NTMT1: variants seen among roughly 807,000 people sequenced by gnomAD.
NTMT1 encodes the protein N-terminal RCC1 methyltransferase.
NTMT1 carries 8 observed loss-of-function variants against 17.5 expected under a neutral mutation model. The ratio of observed to expected loss-of-function variants is 0.46; its 90% CI spans 0.27 to 0.82. The LOEUF (loss-of-function observed/expected upper bound fraction) is 0.82, where lower values mean the gene tolerates loss of function less well. NTMT1 is among the 40% of genes least tolerant of loss of function. The pLI is 0.15. For missense variants in NTMT1, 221 were observed against 303.5 expected (o/e 0.73, Z 2.02); for synonymous variants, 128 against 126.8 (o/e 1.01, Z -0.06).
At chr9:129,615,997 C>A (rs541507584) in intron 1 of NTMT1, among the ~76,000 whole-genome samples, 1 of 152,274 alleles carries the variant, frequency 6.6e-6, no homozygotes, top group East Asian at 1.9e-4. Flanking sequence ...CGCCCTCGCA[C>A]GTAAAGCAAT....
intron 1 of NTMT1, among the ~76,000 whole-genome samples, chr9:129,627,349 C>G (rs529693506): frequency 3.3e-5 from 5 of 152,124 alleles, no homozygotes; most frequent in Admixed American, 1.3e-4. Flanking sequence ...TAACAGTCCC[C>G]TAGGTGTGTC....
upstream of NTMT1, among the ~76,000 whole-genome samples, chr9:129,622,649 G>A (rs765212136): frequency 6.6e-6 from 1 of 151,902 alleles, no homozygotes; most frequent in Non-Finnish European, 1.5e-5. Context: ...GTAACCATCT[G>A]TACTTATATT....
chr9:129,625,953 GGTGAGCC>G (rs1263444185), upstream of NTMT1, among the ~76,000 whole-genome samples: 1 of 151,378 alleles, frequency 6.6e-6, no homozygotes, highest in East Asian at 1.9e-4. Context: ...CAGAGGTTGC[GGTGAGCC>G]GAGATCGCGC....
chr9:129,619,713 C>A (rs200420270), intron 1 of NTMT1: 60 of 1,612,804 alleles, frequency 3.7e-5, no homozygotes, highest in Admixed American at 2.0e-4. Context: ...CAACCCCGTC[C>A]CCACCAAGAA....
In NTMT1 at chr9:129,613,122, G is replaced by A. The variant is rs377084304; in HGVS notation, c.-55+3944G>A. The A allele has an allele frequency of 2.5e-6, 4 of 1,613,792 alleles. No homozygotes were observed. The highest frequency in any genetic ancestry group is 3.3e-5 in the Admixed American group (2 of 60,006). ...ATTTGCCCACCTGCTCCAGGTTTCT[G>A]TGCGGGTCCAAGAAGGCTCGGAGGC... On this transcript the variant is annotated intron_variant, in intron 1 of 3. Transcript: ENST00000372486. This position sits in a 1 kb window ranked among gnomAD's most constrained non-coding sequence, Gnocchi z 6.2.
intron 1 of NTMT1, chr9:129,615,689 G>A (rs749671231): frequency 1.5e-5 from 22 of 1,489,200 alleles, no homozygotes; most frequent in South Asian, 5.4e-5. Context: ...GCCCCCCACC[G>A]TACCCCAGCA....
chr9:129,609,593 C>T (rs887531320), intron 1 of NTMT1, among the ~76,000 whole-genome samples: 3 of 142,850 alleles, frequency 2.1e-5, no homozygotes, highest in African/African-American at 7.7e-5. Context: ...GTGGAAATGC[C>T]CCACGGAAAA....
chr9:129,615,613 C>T (rs1435203387), intron 1 of NTMT1: 2 of 1,597,412 alleles, frequency 1.3e-6, no homozygotes, highest in Non-Finnish European at 1.7e-6. Flanking sequence ...GTCAGCGCAG[C>T]CTTGAGCCTG....
upstream of NTMT1, among the ~76,000 whole-genome samples, chr9:129,625,722 T>C (rs996745022): frequency 2.0e-5 from 3 of 151,138 alleles, no homozygotes; most frequent in Non-Finnish European, 3.0e-5. Flanking sequence ...TTTAAAGAAG[T>C]CAAATTAGGC....
chr9:129,633,677 T>A (rs766367309), intron 2 of NTMT1: 1,497 of 120,936 alleles, frequency 0.012, 16 homozygotes, highest in African/African-American at 0.038. Context: ...AAAAAAAAAA[T>A]GAGTTGGGCA....
intron 3 of NTMT1, 189 bp from the exon 4 acceptor site, chr9:129,635,019 G>A: frequency 1.5e-6 from 1 of 671,460 alleles, no homozygotes; most frequent in East Asian, 2.7e-5. Flanking sequence ...GATGACCTCT[G>A]AGCCACAGTT....
At chr9:129,631,936 C>T (rs1319799451) in intron 1 of NTMT1, among the ~76,000 whole-genome samples, 1 of 152,152 alleles carries the variant, frequency 6.6e-6, no homozygotes, top group Non-Finnish European at 1.5e-5. Flanking sequence ...TGGTTCACAG[C>T]CCGGTGCCTG....
chr9:129,613,642 C>T lies in NTMT1; in HGVS notation c.-55+4464C>T, dbSNP rs749537358. ...GTGAGATCTCTGCCCAGGAGGAGGG[C>T]ACTGGTGCCCCCACCCTCTTTTCCT... On this transcript the variant is annotated intron_variant, in intron 1 of 3. Coordinates refer to the NTMT1 transcript ENST00000372486. The surrounding 1 kb of genome is among the most constrained non-coding windows in gnomAD (Gnocchi z 6.2). 6.2e-7 allele frequency: 1 copy of T among 1,609,138 alleles called. No homozygotes were observed. The highest frequency in any genetic ancestry group is 8.5e-7 in the Non-Finnish European group (1 of 1,177,034).
Position 129,613,120 on chromosome 9 carries a change from C to G in NTMT1, c.-55+3942C>G, listed in dbSNP as rs141155401. 12 of 1,613,802 alleles carry G rather than the reference C, an allele frequency of 7.4e-6. No homozygotes were observed. In the African/African-American group the frequency reaches 1.3e-4, roughly 18 times the overall value. On this transcript the variant is annotated intron_variant, in intron 1 of 3. Transcript: ENST00000372486. This position sits in a 1 kb window ranked among gnomAD's most constrained non-coding sequence, Gnocchi z 6.2. ...CCATTTGCCCACCTGCTCCAGGTTT[C>G]TGTGCGGGTCCAAGAAGGCTCGGAG... is the stretch of plus-strand genomic sequence containing the variant.
rs1384211312 is a variant in NTMT1, at chr9:129,632,816, C to A, written c.113C>A (p.Ser38Tyr). Residue 38 changes from serine (S) to tyrosine (Y), a missense_variant, in exon 2 of 4, where the codon TCC becomes TAC. Physicochemically the swap from Ser to Tyr is moderately radical, Grantham distance 144. Transcript: ENST00000372483. ...ATGCTTGGGGGGTATGGCCACATCT[C>A]CAGCATCGACATCAACAGCTCCCGG... Reference protein sequence around the residue: ...DGMLGGYGHISSIDINSSRKF... With the variant: ...DGMLGGYGHIYSIDINSSRKF... The A allele has an allele frequency of 6.2e-7, 1 of 1,614,086 alleles. No individual in the cohort carries two copies. Among genetic ancestry groups the A allele is most frequent in the Non-Finnish European group, 8.5e-7 (1 of 1,180,036 alleles).
At chr9:129,611,293 A>C (rs541449963) in intron 1 of NTMT1, among the ~76,000 whole-genome samples, 1 of 152,210 alleles carries the variant, frequency 6.6e-6, no homozygotes, top group East Asian at 1.9e-4. Context: ...TCTGGGGGCC[A>C]CTGACAGCTT....
rs758847394 is a variant in NTMT1, at chr9:129,634,062, GA to G, written c.173del (p.Asn58ThrfsTer35). The G allele has an allele frequency of 6.2e-7, 1 of 1,613,702 alleles. No individual in the cohort carries two copies. Among genetic ancestry groups the G allele is most frequent in the South Asian group, 1.1e-5 (1 of 91,034 alleles). ...FLQRFLREGP[N>X]KTGTSCALDC... is the part of the protein sequence containing the mutation. ...ATGCCTCTGCTTTTCAGGAAGGCCCGAACAAGACAGGAACGTCCTGTGCCCT... is the reference window on the plus strand; with the variant it reads ...ATGCCTCTGCTTTTCAGGAAGGCCCGACAAGACAGGAACGTCCTGTGCCCT... On this transcript the variant is annotated frameshift_variant, in exon 3 of 4. Coordinates refer to ENST00000372483, the MANE Select transcript of NTMT1 (RefSeq NM_014064.4). LOFTEE classifies it high-confidence loss of function.
At chr9:129,626,378 G>A (rs1379797696) in intron 1 of NTMT1, 83 bp downstream of exon 1, 2 of 152,300 alleles carry the variant, frequency 1.3e-5, no homozygotes, top group East Asian at 1.9e-4. Flanking sequence ...GGCGCCCTGA[G>A]GTCCCGGGTC....
chr9:129,629,334 C>G (rs1194738845), intron 1 of NTMT1, among the ~76,000 whole-genome samples: 1 of 152,104 alleles, frequency 6.6e-6, no homozygotes, highest in Admixed American at 6.5e-5. Context: ...CTGTCAGCTA[C>G]CCGGGCACAT....
Sources: allele counts gnomAD v4.1 joint callset (sites outside exome capture counted in the v4.1 genomes callset), GRCh38; gene constraint gnomAD v4.1.1; non-coding constraint Gnocchi (gnomAD v3.1); transcripts MANE v1.5; gene names NCBI Gene and HGNC (gene_info 2026-07-23, HGNC 2026-07-21).